RAB11FIP4: variants seen among roughly 807,000 people sequenced by gnomAD.
RAB11FIP4 encodes RAB11 family interacting protein 4.
Under a neutral mutation model 74.3 loss-of-function variants are expected in RAB11FIP4, and 23 were observed. The ratio of observed to expected loss-of-function variants is 0.31; its 90% CI spans 0.22 to 0.44. The LOEUF (loss-of-function observed/expected upper bound fraction) is 0.44. Among genes scored for constraint, RAB11FIP4 ranks in the 20% least tolerant of loss-of-function variants. The pLI is 1.00. For missense variants in RAB11FIP4, 630 were observed against 863.9 expected (o/e 0.73, Z 3.39); for synonymous variants, 360 against 359.9 (o/e 1.00, Z 0.00).
intron 3 of RAB11FIP4, among the ~76,000 whole-genome samples, chr17:31,474,876 A>C (rs915261630): frequency 2.9e-5 from 1 of 33,926 alleles, no homozygotes; most frequent in African/African-American, 6.3e-5. Flanking sequence ...AAAACAAAAC[A>C]AAAAACAAAA....
At position 31,475,956 on chromosome 17, in the gene RAB11FIP4, T is replaced by C. The variant is rs115848350; in HGVS notation, c.337-41695T>C. Among the ~76,000 whole-genome samples the C allele has an allele frequency of 2.9e-3, 449 of 152,236 alleles. 1 individual carries two copies. Among genetic ancestry groups the C allele is most frequent in the African/African-American group, 0.01 (434 of 41,546 alleles). On this transcript the variant is annotated intron_variant, in intron 3 of 14. Coordinates refer to ENST00000621161, the MANE Select transcript of RAB11FIP4 (RefSeq NM_032932.6). ...GCATGAGCTACAGTGAGTTCAATGT[T>C]AATGAATCAACAATATGTATTAAAT...
At chr17:31,438,346 A>C (rs1330940915) in intron 3 of RAB11FIP4, among the ~76,000 whole-genome samples, 1 of 152,040 alleles carries the variant, frequency 6.6e-6, no homozygotes, top group Non-Finnish European at 1.5e-5. Context: ...GGCCCTGTTC[A>C]TCCACCCTAT....
Position 31,503,281 on chromosome 17 carries a change from C to T in RAB11FIP4, c.337-14370C>T, listed in dbSNP as rs191841559. ...CTCCTGACCTCAAGTGATCCACCCACCTCGACCTCCCAAAGTGCTGGGATT... is the reference window on the plus strand; with the variant it reads ...CTCCTGACCTCAAGTGATCCACCCATCTCGACCTCCCAAAGTGCTGGGATT... On this transcript the variant is annotated intron_variant, in intron 3 of 14. Transcript: ENST00000621161. 2.0e-5 allele frequency among the ~76,000 whole-genome samples: 3 copies of T among 149,798 alleles called. No individual in the cohort carries two copies. The East Asian group carries it at 5.8e-4, about 29-fold the overall frequency.
At chr17:31,459,591 C>T (rs1265110585) in intron 3 of RAB11FIP4, among the ~76,000 whole-genome samples, 7 of 152,192 alleles carry the variant, frequency 4.6e-5, no homozygotes, top group South Asian at 4.1e-4. Context: ...TCCACTCCCA[C>T]GCCTGATGGG....
At chr17:31,406,114 C>G (rs937010723) in intron 1 of RAB11FIP4, among the ~76,000 whole-genome samples, 6 of 152,220 alleles carry the variant, frequency 3.9e-5, no homozygotes, top group African/African-American at 1.4e-4. Flanking sequence ...AGGGTGGGGC[C>G]CAGGGATACT....
intron 1 of RAB11FIP4, among the ~76,000 whole-genome samples, chr17:31,401,118 C>G (rs963288830): frequency 1.3e-5 from 2 of 152,034 alleles, no homozygotes; most frequent in African/African-American, 4.8e-5. Flanking sequence ...GATACAAAAA[C>G]AAAATTAGCT....
At chr17:31,473,868 G>A (rs1198031463) in intron 3 of RAB11FIP4, among the ~76,000 whole-genome samples, 1 of 152,174 alleles carries the variant, frequency 6.6e-6, no homozygotes, top group African/African-American at 2.4e-5. Flanking sequence ...TCCCCTTGAG[G>A]TCCAAGGCCA....
chr17:31,407,681 T>A (rs1567645476), intron 1 of RAB11FIP4, among the ~76,000 whole-genome samples: 1 of 152,176 alleles, frequency 6.6e-6, no homozygotes, highest in South Asian at 2.1e-4. Context: ...CAGTAAGCGT[T>A]TTTGGCAGGG....
intron 13 of RAB11FIP4, among the ~76,000 whole-genome samples, chr17:31,529,388 G>A (rs893116279): frequency 6.6e-5 from 10 of 152,014 alleles, no homozygotes; most frequent in African/African-American, 1.7e-4. Context: ...TCAGCCTCTC[G>A]AGCAGTTAGG....
chr17:31,431,833 T>C lies in RAB11FIP4; in HGVS notation c.180T>C (p.Tyr60=). ...CACAGGTGGAAAAACTTGTGAAATATTTGGATCCCAACGACCTGGGGAGAA... is the reference window on the plus strand; with the variant it reads ...CACAGGTGGAAAAACTTGTGAAATACTTGGATCCCAACGACCTGGGGAGAA... ...QGEEVEKLVK[Y]LDPNDLGRIN... is the part of the protein sequence containing the mutation. Residue 60 remains tyrosine, a synonymous_variant, in exon 2 of 15, where the codon TAT becomes TAC. Transcript: ENST00000621161. 1.2e-6 allele frequency: 2 copies of C among 1,612,510 alleles called. No individual in the cohort carries two copies. Among genetic ancestry groups the C allele is most frequent in the South Asian group, 1.1e-5 (1 of 90,952 alleles).
At chr17:31,481,331 T>G (rs968178585) in intron 3 of RAB11FIP4, among the ~76,000 whole-genome samples, 5 of 151,712 alleles carry the variant, frequency 3.3e-5, no homozygotes, top group Non-Finnish European at 7.4e-5. Flanking sequence ...ATTCCAAGCG[T>G]TTTTTAAGTT....
intron 3 of RAB11FIP4, among the ~76,000 whole-genome samples, chr17:31,511,025 T>TTTTTG (rs950041534): frequency 6.6e-6 from 1 of 151,800 alleles, no homozygotes; most frequent in Non-Finnish European, 1.5e-5. Flanking sequence ...TGTTTTTGTG[T>TTTTTG]TTTTGTTTTG....
At chr17:31,419,896 G>A (rs550001387) in intron 1 of RAB11FIP4, among the ~76,000 whole-genome samples, 2 of 152,108 alleles carry the variant, frequency 1.3e-5, no homozygotes, top group Non-Finnish European at 2.9e-5. Flanking sequence ...GGGTAACAGG[G>A]TATTATTGCT....
intron 1 of RAB11FIP4, among the ~76,000 whole-genome samples, chr17:31,419,664 C>A (rs2071181060): frequency 1.3e-5 from 2 of 151,770 alleles, no homozygotes; most frequent in South Asian, 2.1e-4. Flanking sequence ...CATTCTCCTG[C>A]CTCAGCCTCC....
intron 3 of RAB11FIP4, among the ~76,000 whole-genome samples, chr17:31,440,504 C>T (rs1200057190): frequency 6.6e-6 from 1 of 152,238 alleles, no homozygotes; most frequent in African/African-American, 2.4e-5. Context: ...TGCGGTGGCT[C>T]ATGCCTGTAA....
chr17:31,426,918 C>G (rs924021972), intron 1 of RAB11FIP4, among the ~76,000 whole-genome samples: 3 of 151,968 alleles, frequency 2.0e-5, no homozygotes, highest in Admixed American at 1.3e-4. Context: ...CACTTGTTTT[C>G]TAAAGGGCAG....
intron 1 of RAB11FIP4, 127 bp from the exon 2 acceptor site, chr17:31,431,686 G>C (rs750908476): frequency 1.4e-6 from 1 of 724,328 alleles, no homozygotes; most frequent in East Asian, 3.0e-5. Flanking sequence ...CTGACCCCAG[G>C]GTGAGGGTAA....
At chr17:31,469,868 C>T (rs2071721318) in intron 3 of RAB11FIP4, among the ~76,000 whole-genome samples, 1 of 152,244 alleles carries the variant, frequency 6.6e-6, no homozygotes, top group African/African-American at 2.4e-5. Flanking sequence ...AATATTGTCT[C>T]CTCTGAGCCT....
chr17:31,447,168 C>T (rs1359627812), intron 3 of RAB11FIP4, among the ~76,000 whole-genome samples: 7 of 152,206 alleles, frequency 4.6e-5, no homozygotes, highest in Non-Finnish European at 1.0e-4. Flanking sequence ...CCTGTAGTCC[C>T]AGCTACTCGG....
Sources: gnomAD v4.1 joint callset for allele counts (sites outside exome capture counted in the v4.1 genomes callset) on GRCh38, gnomAD v4.1.1 for gene constraint, MANE v1.5 for transcripts, NCBI Gene and HGNC (gene_info 2026-07-23, HGNC 2026-07-21) for gene names.